The following ASB3 variants were observed in gnomAD, a reference collection of about 807,000 sequenced individuals.
ASB3 encodes the protein ankyrin repeat and SOCS box containing 3, also known as ankyrin repeat and SOCS box protein 3.
In ASB3, 41 loss-of-function variants were observed where a neutral mutation model predicts 54.5. That is an observed-to-expected ratio of 0.75 (90% CI 0.59 to 0.98). ASB3 has a LOEUF of 0.98. ASB3 is among the 50% of genes least tolerant of loss of function. The pLI is 0.00. For synonymous variants in ASB3, 266 were observed against 221.2 expected (o/e 1.20, Z -1.80); for missense variants, 733 against 620.0 (o/e 1.18, Z -1.94).
chr2:53,691,466 G>A (rs62137560), intron 9 of ASB3, among the ~76,000 whole-genome samples: 1,780 of 152,240 alleles, frequency 0.012, 21 homozygotes, highest in Non-Finnish European at 0.019. Context: ...TAAATATATT[G>A]ATAAGGCAGC....
intron 1 of ASB3, chr2:53,774,157 GTTGCTTACAGA>G: frequency 6.2e-7 from 1 of 1,608,616 alleles, no homozygotes; most frequent in Non-Finnish European, 8.5e-7. Flanking sequence ...TGTATGGGGT[GTTGCTTACAGA>G]TTGCCAGTAG....
chr2:53,715,908 T>C (rs372772246), intron 6 of ASB3, among the ~76,000 whole-genome samples: 1 of 152,210 alleles, frequency 6.6e-6, no homozygotes, highest in South Asian at 2.1e-4. Context: ...TATTATAGAA[T>C]TATGGCTCTA....
intron 5 of ASB3, among the ~76,000 whole-genome samples, chr2:53,726,236 A>G (rs921600891): frequency 6.6e-6 from 1 of 151,452 alleles, no homozygotes; most frequent in Non-Finnish European, 1.5e-5. Context: ...ATTAAGGTGC[A>G]GTTTAATCTA....
At chr2:53,676,157 A>C (rs1668071042) in intron 9 of ASB3, among the ~76,000 whole-genome samples, 1 of 152,230 alleles carries the variant, frequency 6.6e-6, no homozygotes, top group African/African-American at 2.4e-5. Context: ...TGGATGTATA[A>C]ACAATAACTA....
At chr2:53,771,881 A>AT in intron 1 of ASB3, 1 of 1,486,392 alleles carries the variant, frequency 6.7e-7, no homozygotes, top group Non-Finnish European at 9.2e-7. Context: ...AATTCAGAAA[A>AT]ATTTTTTTTT....
intron 5 of ASB3, among the ~76,000 whole-genome samples, chr2:53,717,104 T>C (rs1670440614): frequency 6.6e-6 from 1 of 152,166 alleles, no homozygotes; most frequent in Non-Finnish European, 1.5e-5. Flanking sequence ...AAGTGATTCA[T>C]ATCTTAGAAT....
intron 1 of ASB3, chr2:53,768,073 C>G: frequency 6.3e-7 from 1 of 1,596,534 alleles, no homozygotes; most frequent in Non-Finnish European, 8.5e-7. Flanking sequence ...CCCTGCTCCC[C>G]AACTCCACAC....
chr2:53,700,014 G>A (rs887985237), intron 8 of ASB3, among the ~76,000 whole-genome samples: 3 of 152,060 alleles, frequency 2.0e-5, no homozygotes, highest in Admixed American at 6.6e-5. Flanking sequence ...CCCAGAAGTC[G>A]AAGAAATATC....
chr2:53,765,975 G>T (rs985099669), intron 1 of ASB3, among the ~76,000 whole-genome samples: 2 of 151,984 alleles, frequency 1.3e-5, no homozygotes, highest in African/African-American at 4.8e-5. Context: ...AATCCCCAGT[G>T]TACACTACAT....
intron 3 of ASB3, among the ~76,000 whole-genome samples, chr2:53,739,103 A>G (rs1671796421): frequency 2.6e-5 from 4 of 152,236 alleles, no homozygotes; most frequent in Admixed American, 2.6e-4. Flanking sequence ...ATCCTGCAAT[A>G]ATTTCTAGGG....
At chr2:53,712,482 T>A (rs752608013) in intron 7 of ASB3, among the ~76,000 whole-genome samples, 22 of 152,134 alleles carry the variant, frequency 1.4e-4, no homozygotes, top group Admixed American at 9.2e-4. Context: ...TCTTGGAAAA[T>A]CCAGAAACCT....
intron 3 of ASB3, among the ~76,000 whole-genome samples, chr2:53,747,477 C>G (rs553472154): frequency 6.6e-6 from 1 of 152,266 alleles, no homozygotes; most frequent in East Asian, 1.9e-4. Flanking sequence ...ACCCGGGAGG[C>G]AGAGGTTGCA....
intron 5 of ASB3, among the ~76,000 whole-genome samples, chr2:53,719,878 G>A (rs1276785227): frequency 1.3e-5 from 2 of 152,150 alleles, no homozygotes; most frequent in East Asian, 1.9e-4. Flanking sequence ...CCAGGGCAAT[G>A]TGAAAGGAAA....
chr2:53,743,282 C>T (rs578217501), intron 3 of ASB3, among the ~76,000 whole-genome samples: 58 of 151,124 alleles, frequency 3.8e-4, no homozygotes, highest in African/African-American at 1.3e-3. Context: ...TGGGAATACA[C>T]GCGTGAGCAA....
chr2:53,705,907 C>T (rs1669742891), intron 7 of ASB3, among the ~76,000 whole-genome samples: 1 of 152,058 alleles, frequency 6.6e-6, no homozygotes, highest in African/African-American at 2.4e-5. Flanking sequence ...GTAGATGTTC[C>T]AAACAGGCAA....
chr2:53,762,532 T>TA (rs1374919030), intron 2 of ASB3, among the ~76,000 whole-genome samples: 1 of 152,240 alleles, frequency 6.6e-6, no homozygotes, highest in Admixed American at 6.5e-5. Context: ...CATGAACTAA[T>TA]AAAAAATACT....
At chr2:53,674,327 T>C (rs1271336859) in intron 9 of ASB3, among the ~76,000 whole-genome samples, 1 of 152,230 alleles carries the variant, frequency 6.6e-6, no homozygotes. Context: ...AAACTTAGTT[T>C]ATCCATAGAT....
intron 7 of ASB3, among the ~76,000 whole-genome samples, chr2:53,704,339 C>G (rs1173709171): frequency 3.6e-5 from 5 of 139,720 alleles, no homozygotes; most frequent in African/African-American, 1.4e-4. Flanking sequence ...CAGCCTGGGC[C>G]ACAGAGCGAG....
In ASB3 at chr2:53,672,368, A is replaced by G. The variant is rs148672879; in HGVS notation, c.1370-1678T>C. 9.3e-4 allele frequency among the ~76,000 whole-genome samples: 142 copies of G among 152,318 alleles called. 1 individual carries two copies. Among genetic ancestry groups the G allele is most frequent in the Middle Eastern group, 3.4e-3 (1 of 294 alleles). On this transcript the variant is annotated intron_variant, in intron 9 of 9. Coordinates refer to ENST00000263634, the MANE Select transcript of ASB3 (RefSeq NM_016115.5). Reference sequence around the variant, plus strand: ...AAATTTGACACTTTTCTGTAAACTTAAAGGAGAAATGATGGTTCTCACATG... The same window carrying G: ...AAATTTGACACTTTTCTGTAAACTTGAAGGAGAAATGATGGTTCTCACATG...
Sources: allele counts gnomAD v4.1 joint callset (sites outside exome capture counted in the v4.1 genomes callset), GRCh38; gene constraint gnomAD v4.1.1; transcripts MANE v1.5; gene names NCBI Gene and HGNC (gene_info 2026-07-23, HGNC 2026-07-21).